Variants in COL5A1 observed in about 807,000 individuals in gnomAD.
The protein encoded by COL5A1 is collagen type V alpha 1 chain.
In COL5A1, 16 loss-of-function variants were observed where a neutral mutation model predicts 263.7. That is an observed-to-expected ratio of 0.06 (90% CI 0.04 to 0.09). The LOEUF is 0.09. Ranked by LOEUF, COL5A1 falls within the 10% of genes least tolerant of loss-of-function variation. The probability of loss-of-function intolerance (pLI) is 1.00; values close to 1 mark genes in which losing one functional copy is unlikely to be tolerated. For synonymous variants in COL5A1, 1,012 were observed against 1,004.5 expected (o/e 1.01, Z -0.14); for missense variants, 2,036 against 2,540.5 (o/e 0.80, Z 4.27).
At chr9:134,792,398 C>T (rs1837723426) in intron 32 of COL5A1, among the ~76,000 whole-genome samples, 1 of 151,606 alleles carries the variant, frequency 6.6e-6, no homozygotes. Context: ...TATTTAGAGA[C>T]AGAGTCTCGC....
At chr9:134,724,017 C>T (rs1190223517) in intron 4 of COL5A1, among the ~76,000 whole-genome samples, 1 of 152,126 alleles carries the variant, frequency 6.6e-6, no homozygotes, top group African/African-American at 2.4e-5. Flanking sequence ...CCCCGAGGTC[C>T]TCCCCTCGGC....
Position 134,801,971 on chromosome 9 carries a change from C to T in COL5A1, c.2970C>T (p.Thr990=), listed in dbSNP as rs548678914. The stretch of plus-strand genomic sequence containing the variant: ...CTTCACAGGGTTTCCAAGGCAAGAC[C>T]GGCCCTCCAGGCCCCCCCGGCGTGG... ...QRGETGFQGK[T]GPPGPPGVVG... Residue 990 remains threonine, a synonymous_variant, in exon 38 of 66, where the codon ACC becomes ACT. Coordinates refer to ENST00000371817, the MANE Select transcript of COL5A1 (RefSeq NM_000093.5). 12 of 1,613,410 alleles carry T rather than the reference C, an allele frequency of 7.4e-6. No individual in the cohort carries two copies. Among genetic ancestry groups the T allele is most frequent in the Admixed American group, 6.7e-5 (4 of 60,034 alleles).
intron 65 of COL5A1, among the ~76,000 whole-genome samples, chr9:134,837,546 G>A (rs946710097): frequency 6.6e-6 from 1 of 151,934 alleles, no homozygotes; most frequent in Non-Finnish European, 1.5e-5. Flanking sequence ...ACTTCTGCGA[G>A]GTCCCAGAAG....
chr9:134,703,689 G>A (rs1833748080), intron 4 of COL5A1, among the ~76,000 whole-genome samples: 1 of 137,748 alleles, frequency 7.3e-6, no homozygotes, highest in Non-Finnish European at 1.5e-5. Flanking sequence ...CCAGGCTGGA[G>A]TGCAGTGGCA....
At chr9:134,790,165 A>G (rs966591467) in intron 32 of COL5A1, among the ~76,000 whole-genome samples, 35 of 152,200 alleles carry the variant, frequency 2.3e-4, no homozygotes, top group Non-Finnish European at 4.0e-4. Context: ...CCTGGCCAAA[A>G]CCTTATGAGC....
rs180786279 is a variant in COL5A1, at chr9:134,710,174, A to C, written c.654+8841A>C. Among the ~76,000 whole-genome samples the C allele has an allele frequency of 6.2e-3, 945 of 152,314 alleles. 10 individuals are homozygous for C. The highest frequency in any genetic ancestry group is 0.021 in the African/African-American group (868 of 41,586). On this transcript the variant is annotated intron_variant, in intron 4 of 65. Transcript: ENST00000371817. ...TGGGGATGTTAGGCTTGTGGTGCGG[A>C]TGAAAGGAGGCAAAGCCGGTGCGGC...
chr9:134,719,662 G>T (rs1834385877), intron 4 of COL5A1, among the ~76,000 whole-genome samples: 1 of 152,206 alleles, frequency 6.6e-6, no homozygotes, highest in Admixed American at 6.5e-5. Flanking sequence ...GGGCAGGGCG[G>T]CACATCATGC....
At position 134,844,669 on chromosome 9, in the gene COL5A1, A is replaced by AAAT. The variant is rs1244755840; in HGVS notation, c.*2368_*2370dup. The AAAT allele has an allele frequency of 6.6e-6, 1 of 152,260 alleles. No individual in the cohort carries two copies. The highest frequency in any genetic ancestry group is 1.5e-5 in the Non-Finnish European group (1 of 68,048). The allele number at this position is 152,260 out of a possible 1,614,324, so 9.4% of individuals were successfully genotyped here. A position where few individuals can be genotyped will look rare whatever the true frequency, so the allele number is the denominator to read the frequency against. On this transcript the variant is annotated 3_prime_UTR_variant, in exon 66 of 66. Coordinates refer to ENST00000371817, the MANE Select transcript of COL5A1 (RefSeq NM_000093.5). The stretch of plus-strand genomic sequence containing the variant: ...AGTTTCGAGGACATCAGGCCTTTTG[A>AAAT]AATACAATGTCAAATGACACATTGT...
chr9:134,695,009 A>C (rs941964618), intron 2 of COL5A1, among the ~76,000 whole-genome samples: 3 of 152,118 alleles, frequency 2.0e-5, no homozygotes, highest in Non-Finnish European at 2.9e-5. Flanking sequence ...GTCCCCTCTG[A>C]GGATGACCAG....
intron 4 of COL5A1, among the ~76,000 whole-genome samples, chr9:134,723,219 G>A (rs1216555015): frequency 6.6e-6 from 1 of 152,288 alleles, no homozygotes; most frequent in Middle Eastern, 3.4e-3. Flanking sequence ...TTCCTGCACC[G>A]CTGTCCTGAG....
At chr9:134,646,483 T>C (rs1831478980) in intron 1 of COL5A1, among the ~76,000 whole-genome samples, 1 of 152,204 alleles carries the variant, frequency 6.6e-6, no homozygotes, top group Non-Finnish European at 1.5e-5. Context: ...CCACACCGTG[T>C]CCCAGAGCTC....
chr9:134,833,715 T>A (rs559209071), intron 64 of COL5A1, among the ~76,000 whole-genome samples: 2 of 152,268 alleles, frequency 1.3e-5, no homozygotes, highest in African/African-American at 2.4e-5. Context: ...GCTGGCCCGC[T>A]CACTCCCCGA....
chr9:134,696,730 G>A lies in COL5A1; in HGVS notation c.278-3179G>A, dbSNP rs1334060839. On this transcript the variant is annotated intron_variant, in intron 2 of 65. Transcript: ENST00000371817. This position sits in a 1 kb window ranked among gnomAD's most constrained non-coding sequence, Gnocchi z 4.3. ...CAAATGCATTTATTGTACTCCTACT[G>A]CATACCTAAAATGCTCTAGTGCCTT... Among the ~76,000 whole-genome samples the A allele has an allele frequency of 6.6e-6, 1 of 152,128 alleles. No individual in the cohort carries two copies. The highest frequency in any genetic ancestry group is 1.5e-5 in the Non-Finnish European group (1 of 68,030).
chr9:134,650,246 C>G (rs1831629553), intron 1 of COL5A1, among the ~76,000 whole-genome samples: 4 of 152,050 alleles, frequency 2.6e-5, no homozygotes, highest in Admixed American at 2.6e-4. Flanking sequence ...AAACTCTGAC[C>G]CTTGCATTGG....
In COL5A1 at chr9:134,816,400, T is replaced by C. The variant is rs1200678330; in HGVS notation, c.4122+412T>C. On this transcript the variant is annotated intron_variant, in intron 52 of 65. Coordinates refer to ENST00000371817, the MANE Select transcript of COL5A1 (RefSeq NM_000093.5). The stretch of plus-strand genomic sequence containing the variant: ...GCATCTGACGCTTGGCGTTGAGTGT[T>C]TTAAACACCGCTTCAAGCCCAGAAC... Among the ~76,000 whole-genome samples the C allele has an allele frequency of 2.0e-5, 3 of 152,202 alleles. 1 individual carries two copies. Among genetic ancestry groups the C allele is most frequent in the African/African-American group, 7.2e-5 (3 of 41,456 alleles).
intron 11 of COL5A1, among the ~76,000 whole-genome samples, chr9:134,747,094 T>G (rs1231852093): frequency 1.3e-5 from 2 of 152,236 alleles, no homozygotes; most frequent in African/African-American, 4.8e-5. Context: ...CCTGAGGACT[T>G]GTGTCAAATT....
In COL5A1 at chr9:134,677,162, A is replaced by G. The variant is rs1000408349; in HGVS notation, c.110-13750A>G. On this transcript the variant is annotated intron_variant, in intron 1 of 65. Transcript: ENST00000371817. The surrounding 1 kb of genome is among the most constrained non-coding windows in gnomAD (Gnocchi z 4.4). ...GGGCCTCTCATCTTCCTTGAGCTTC[A>G]TGAAGGAACAGTGTCTCTGCTGGAT... is the stretch of plus-strand genomic sequence containing the variant. Among the ~76,000 whole-genome samples, 1 of 152,144 alleles carries G rather than the reference A, an allele frequency of 6.6e-6. No individual in the cohort carries two copies. The highest frequency in any genetic ancestry group is 2.4e-5 in the African/African-American group (1 of 41,428).
intron 27 of COL5A1, among the ~76,000 whole-genome samples, chr9:134,777,820 C>T (rs1837107658): frequency 6.6e-6 from 1 of 152,198 alleles, no homozygotes; most frequent in African/African-American, 2.4e-5. Context: ...ATGCCAGCCA[C>T]ACAAACCCAG....
At chr9:134,830,491 T>A in intron 64 of COL5A1, 1 of 485,566 alleles carries the variant, frequency 2.1e-6, no homozygotes, top group East Asian at 3.6e-5. Flanking sequence ...ACCTGAGCAC[T>A]GAGGTCAGAC....
Sources: gnomAD v4.1 joint callset for allele counts (sites outside exome capture counted in the v4.1 genomes callset) on GRCh38, gnomAD v4.1.1 for gene constraint, Gnocchi (gnomAD v3.1) non-coding constraint, MANE v1.5 for transcripts, NCBI Gene and HGNC (gene_info 2026-07-23, HGNC 2026-07-21) for gene names.